RAB21: variants seen among roughly 807,000 people sequenced by gnomAD.
The protein encoded by RAB21 is RAB21, member RAS oncogene family, also known as ras-related protein Rab-21.
RAB21 carries 13 observed loss-of-function variants against 33.1 expected under a neutral mutation model. The ratio of observed to expected loss-of-function variants is 0.39; its 90% CI spans 0.26 to 0.62. RAB21 has a LOEUF of 0.62. RAB21 is among the 20% of genes least tolerant of loss of function. The pLI, the probability that RAB21 is intolerant of heterozygous loss-of-function variation, is 0.48. For missense variants in RAB21, 234 were observed against 279.1 expected (o/e 0.84, Z 1.15); for synonymous variants, 91 against 103.7 (o/e 0.88, Z 0.74).
In RAB21 at chr12:71,791,157, A is replaced by G. The variant is rs975583720; in HGVS notation, c.*5484A>G. The G allele has an allele frequency of 6.6e-6, 1 of 151,788 alleles. No homozygotes were observed. The allele number at this position is 151,788 out of a possible 1,614,324, so 9.4% of individuals were successfully genotyped here. On this transcript the variant is annotated 3_prime_UTR_variant, in exon 7 of 7. Coordinates refer to ENST00000261263, the MANE Select transcript of RAB21 (RefSeq NM_014999.4). ...GCCACCATGCCTGGCTAATTTTTGT[A>G]TTTTTCATTTTTAGTAGAGATGGGA...
In RAB21 at chr12:71,789,242, C is replaced by G. The variant is rs187269135; in HGVS notation, c.*3569C>G. 2.0e-5 allele frequency: 3 copies of G among 152,104 alleles called. No homozygotes were observed. The allele number at this position is 152,104 out of a possible 1,614,324, so 9.4% of individuals were successfully genotyped here. On this transcript the variant is annotated 3_prime_UTR_variant, in exon 7 of 7. Transcript: ENST00000261263. ...TTTATCAAAGAGTTTCTAATTAAGGCAAACTATGCATTATGCCAAATATTA... is the reference window on the plus strand; with the variant it reads ...TTTATCAAAGAGTTTCTAATTAAGGGAAACTATGCATTATGCCAAATATTA...
At chr12:71,782,119 C>A in intron 5 of RAB21, 34 bp downstream of exon 5, 2 of 1,556,208 alleles carry the variant, frequency 1.3e-6, no homozygotes, top group Non-Finnish European at 1.8e-6. Flanking sequence ...CCCCATCACT[C>A]CCTAGTAGAA....
intron 2 of RAB21, 64 bp downstream of exon 2, chr12:71,769,923 T>A: frequency 1.2e-6 from 1 of 850,344 alleles, no homozygotes; most frequent in African/African-American, 1.8e-5. Context: ...TTTTTAAAGT[T>A]AATTGGAGCT....
intron 3 of RAB21, among the ~76,000 whole-genome samples, chr12:71,771,204 A>G (rs1182653356): frequency 6.6e-6 from 1 of 152,212 alleles, no homozygotes; most frequent in Non-Finnish European, 1.5e-5. Flanking sequence ...TTATCTCATT[A>G]GTTTACTTCC....
intron 3 of RAB21, among the ~76,000 whole-genome samples, chr12:71,772,203 C>T (rs1883053271): frequency 6.6e-6 from 1 of 152,184 alleles, no homozygotes; most frequent in South Asian, 2.1e-4. Flanking sequence ...AGGCCTAGTT[C>T]TCCATCTGGC....
intron 5 of RAB21, 99 bp downstream of exon 5, chr12:71,782,184 G>T: frequency 8.6e-7 from 1 of 1,157,474 alleles, no homozygotes; most frequent in Non-Finnish European, 1.3e-6. Context: ...AAATCTCTTA[G>T]CATGGATTGA....
chr12:71,794,233 AAAG>A lies in RAB21; in HGVS notation c.*8563_*8565del, dbSNP rs1883428281. ...TGAGGCCCTGTCTCAAAAAAAGAAA[AAAG>A]AAAAAAAAAAGTTAAAAGTTGTGGC... On this transcript the variant is annotated 3_prime_UTR_variant, in exon 7 of 7. Coordinates refer to ENST00000261263, the MANE Select transcript of RAB21 (RefSeq NM_014999.4). 1 of 126,590 alleles carries A rather than the reference AAAG, an allele frequency of 7.9e-6. No homozygotes were observed. The highest frequency in any genetic ancestry group is 3.8e-5 in the African/African-American group (1 of 26,362). The allele number at this position is 126,590 out of a possible 1,614,324, so 7.8% of individuals were successfully genotyped here. A position where few individuals can be genotyped will look rare whatever the true frequency, so the allele number is the denominator to read the frequency against.
At chr12:71,779,923 C>A (rs893484010) in intron 4 of RAB21, among the ~76,000 whole-genome samples, 2 of 152,122 alleles carry the variant, frequency 1.3e-5, no homozygotes, top group Admixed American at 1.3e-4. Flanking sequence ...AATATAGAAA[C>A]TAAAAGGGTT....
chr12:71,784,426 T>C (rs925315323), intron 6 of RAB21, among the ~76,000 whole-genome samples: 3 of 152,218 alleles, frequency 2.0e-5, no homozygotes, highest in Admixed American at 2.0e-4. Context: ...TGTTTTCTTC[T>C]GGAAATTTTG....
intron 1 of RAB21, among the ~76,000 whole-genome samples, chr12:71,760,363 C>T (rs1265017851): frequency 6.6e-6 from 1 of 152,130 alleles, no homozygotes; most frequent in African/African-American, 2.4e-5. Flanking sequence ...TACGTAAGCT[C>T]TCTTAACTTA....
chr12:71,758,375 G>A (rs1882819359), intron 1 of RAB21, among the ~76,000 whole-genome samples: 1 of 152,098 alleles, frequency 6.6e-6, no homozygotes, highest in African/African-American at 2.4e-5. Context: ...TCTCCCCACT[G>A]AGTCTTGGTG....
rs1394428338 is a variant in RAB21, at chr12:71,793,052, A to G, written c.*7379A>G. The G allele has an allele frequency of 6.6e-6, 1 of 152,242 alleles. No individual in the cohort carries two copies. The highest frequency in any genetic ancestry group is 2.4e-5 in the African/African-American group (1 of 41,464). The allele number at this position is 152,242 out of a possible 1,614,324, so 9.4% of individuals were successfully genotyped here. A position where few individuals can be genotyped will look rare whatever the true frequency, so the allele number is the denominator to read the frequency against. On this transcript the variant is annotated 3_prime_UTR_variant, in exon 7 of 7. Transcript: ENST00000261263. The stretch of plus-strand genomic sequence containing the variant: ...CTTACTTTCTAGCTTCAAGGGGGTA[A>G]TTAAGTGATCCTCTAACCCAAATTG...
rs182837036 is a variant in RAB21 at position 71,782,762 on chromosome 12, C to G, written c.535+104C>G. 6.5e-4 allele frequency: 467 copies of G among 717,442 alleles called. 1 individual carries two copies. The highest frequency in any genetic ancestry group is 2.7e-3 in the South Asian group (103 of 38,614). 44.4% of individuals were successfully genotyped at this position (717,442 alleles called of 1,614,324 possible). On this transcript the variant is annotated intron_variant, in intron 6 of 6. Coordinates refer to ENST00000261263, the MANE Select transcript of RAB21 (RefSeq NM_014999.4). ...AGTGTTACTTTTCAAAGAATTGGTT[C>G]TTTTTAAACTATTGACTATTGGTAG...
At position 71,788,689 on chromosome 12, in the gene RAB21, A is replaced by G. The variant is rs1269532102; in HGVS notation, c.*3016A>G. ...TTGTGCCAGTATTTTTTCAGCCAGT[A>G]AGCATATACAGTTAACTTATATAAT... On this transcript the variant is annotated 3_prime_UTR_variant, in exon 7 of 7. Transcript: ENST00000261263. The G allele has an allele frequency of 6.6e-6, 1 of 152,198 alleles. No homozygotes were observed. The highest frequency in any genetic ancestry group is 2.4e-5 in the African/African-American group (1 of 41,464). 9.4% of individuals were successfully genotyped at this position (152,198 alleles called of 1,614,324 possible).
chr12:71,760,050 C>T lies in RAB21; in HGVS notation c.159+4762C>T, dbSNP rs566359590. The stretch of plus-strand genomic sequence containing the variant: ...TTTGATGTTAAATGAATAAATGATG[C>T]GGGATTTATGTTTTTCTTTCATGGC... On this transcript the variant is annotated intron_variant, in intron 1 of 6. Coordinates refer to ENST00000261263, the MANE Select transcript of RAB21 (RefSeq NM_014999.4). Among the ~76,000 whole-genome samples the T allele has an allele frequency of 2.5e-4, 38 of 152,184 alleles. 1 individual carries two copies. The South Asian group carries it at 7.1e-3, about 28-fold the overall frequency.
chr12:71,758,095 C>T (rs1337986565), intron 1 of RAB21, among the ~76,000 whole-genome samples: 3 of 151,418 alleles, frequency 2.0e-5, no homozygotes, highest in Non-Finnish European at 2.9e-5. Flanking sequence ...TGGAGGGGTG[C>T]GATCTCGGCT....
intron 1 of RAB21, among the ~76,000 whole-genome samples, chr12:71,760,331 T>C (rs1307099932): frequency 6.6e-6 from 1 of 152,224 alleles, no homozygotes; most frequent in African/African-American, 2.4e-5. Flanking sequence ...CCAAGGTTAC[T>C]GATAGTTACG....
At chr12:71,779,194 T>C (rs1883162644) in intron 4 of RAB21, among the ~76,000 whole-genome samples, 1 of 152,214 alleles carries the variant, frequency 6.6e-6, no homozygotes, top group Non-Finnish European at 1.5e-5. Context: ...GCGTGGTGAC[T>C]CTGGCCTTTA....
At chr12:71,774,228 C>G (rs1053970928) in intron 4 of RAB21, 1 of 212,780 alleles carries the variant, frequency 4.7e-6, no homozygotes, top group South Asian at 8.2e-5. Context: ...GGGTGGATCA[C>G]TTGAGGTCAG....
Sources: allele counts gnomAD v4.1 joint callset (sites outside exome capture counted in the v4.1 genomes callset), GRCh38; gene constraint gnomAD v4.1.1; transcripts MANE v1.5; gene names NCBI Gene and HGNC (gene_info 2026-07-23, HGNC 2026-07-21).